PRKN: variants seen among roughly 807,000 people sequenced by gnomAD.
PRKN encodes the protein parkin RBR E3 ubiquitin protein ligase.
PRKN carries 56 observed loss-of-function variants against 59.5 expected under a neutral mutation model. That is an observed-to-expected ratio of 0.94 (90% CI 0.76 to 1.18). The LOEUF (loss-of-function observed/expected upper bound fraction) is 1.18, where lower values mean the gene tolerates loss of function less well. PRKN is among the 50% of genes most tolerant of loss of function. The pLI, the probability that PRKN is intolerant of heterozygous loss-of-function variation, is 0.00. For synonymous variants in PRKN, 250 were observed against 222.1 expected, an observed-to-expected ratio of 1.13 and a Z score of -1.12; for missense variants, 657 against 596.4, an observed-to-expected ratio of 1.10 and a Z score of -1.06.
Position 161,554,380 on chromosome 6 carries a change from AC to A in PRKN, c.934-5378del, listed in dbSNP as rs1331326411. Among the ~76,000 whole-genome samples the A allele has an allele frequency of 1.4e-5, 2 of 147,638 alleles. No homozygotes were observed. The highest frequency in any genetic ancestry group is 3.0e-5 in the Non-Finnish European group (2 of 67,428). The stretch of plus-strand genomic sequence containing the variant: ...TTCGAACTATGCTGTCTTTCTCTTA[AC>A]CTTCATGTTATCTTACTTCTATACA... On this transcript the variant is annotated intron_variant, in intron 8 of 11. Transcript: ENST00000366898. This position sits in a 1 kb window ranked among gnomAD's most constrained non-coding sequence, Gnocchi z 4.5.
intron 4 of PRKN, among the ~76,000 whole-genome samples, chr6:162,195,448 A>T (rs1210988947): frequency 1.3e-5 from 2 of 152,234 alleles, no homozygotes; most frequent in Non-Finnish European, 1.5e-5. Context: ...TGTAACAAAT[A>T]TTAAGCTTAG....
intron 6 of PRKN, among the ~76,000 whole-genome samples, chr6:161,861,987 C>T (rs1793922595): frequency 6.6e-6 from 1 of 152,200 alleles, no homozygotes; most frequent in Non-Finnish European, 1.5e-5. Flanking sequence ...TTCTTTGCCT[C>T]TTTCAGTTTC....
intron 9 of PRKN, among the ~76,000 whole-genome samples, chr6:161,452,198 A>C (rs201472638): frequency 6.6e-6 from 1 of 150,448 alleles, no homozygotes; most frequent in African/African-American, 2.5e-5. Flanking sequence ...AAGTGATCCC[A>C]CCTCGGCCTC....
chr6:162,616,050 C>G (rs1368655357), intron 1 of PRKN, among the ~76,000 whole-genome samples: 1 of 152,164 alleles, frequency 6.6e-6, no homozygotes, highest in East Asian at 1.9e-4. Context: ...AGCTGTCACC[C>G]AGGAACCTCC....
chr6:162,569,195 A>T, intron 1 of PRKN: 2 of 572,008 alleles, frequency 3.5e-6, no homozygotes, highest in South Asian at 3.3e-5. Context: ...AAAGACTGAG[A>T]TCTCCAAGAT....
At chr6:162,238,219 G>C (rs562521910) in intron 3 of PRKN, among the ~76,000 whole-genome samples, 9 of 152,094 alleles carry the variant, frequency 5.9e-5, no homozygotes, top group Admixed American at 6.5e-5. Context: ...TTAATGTTTA[G>C]ATACAAAAAT....
intron 6 of PRKN, among the ~76,000 whole-genome samples, chr6:161,898,766 T>C (rs76172909): frequency 0.027 from 4,106 of 152,288 alleles, 164 homozygotes; most frequent in African/African-American, 0.094. Flanking sequence ...ATAATTTTGG[T>C]GATTCCCCCT....
intron 1 of PRKN, among the ~76,000 whole-genome samples, chr6:162,710,374 A>ACAC (rs1778486499): frequency 3.6e-4 from 45 of 125,302 alleles, no homozygotes; most frequent in South Asian, 1.4e-3. Context: ...ACCCCCTACA[A>ACAC]ACACACACAC....
intron 7 of PRKN, among the ~76,000 whole-genome samples, chr6:161,598,708 T>C (rs1163223613): frequency 1.3e-5 from 2 of 152,228 alleles, no homozygotes; most frequent in African/African-American, 2.4e-5. Flanking sequence ...TATTTAACAA[T>C]ATATGTTACG....
At chr6:161,957,571 T>C (rs1015844203) in intron 6 of PRKN, among the ~76,000 whole-genome samples, 10 of 152,154 alleles carry the variant, frequency 6.6e-5, no homozygotes, top group African/African-American at 1.7e-4. Flanking sequence ...ATTACAAGTG[T>C]GCGCCACCAC....
At chr6:162,582,048 C>T (rs1238516672) in intron 1 of PRKN, among the ~76,000 whole-genome samples, 6 of 152,332 alleles carry the variant, frequency 3.9e-5, no homozygotes, top group East Asian at 1.9e-4. Flanking sequence ...ATGCAGAGTG[C>T]TAACCACTAT....
intron 9 of PRKN, among the ~76,000 whole-genome samples, chr6:161,528,841 G>T (rs970789919): frequency 6.6e-6 from 1 of 152,084 alleles, no homozygotes; most frequent in Non-Finnish European, 1.5e-5. Context: ...AATCTAAGAG[G>T]CTGGATGAAA....
intron 7 of PRKN, among the ~76,000 whole-genome samples, chr6:161,684,187 G>C (rs961682137): frequency 1.3e-5 from 2 of 151,952 alleles, no homozygotes; most frequent in African/African-American, 4.8e-5. Flanking sequence ...TGTCTGCTTG[G>C]AGAAAACATT....
At chr6:161,985,107 A>G (rs1226434816) in intron 5 of PRKN, among the ~76,000 whole-genome samples, 2 of 152,240 alleles carry the variant, frequency 1.3e-5, no homozygotes, top group Non-Finnish European at 2.9e-5. Flanking sequence ...TCTCACCTCA[A>G]CATAATCGCA....
At chr6:162,069,644 A>G (rs753778580) in intron 4 of PRKN, among the ~76,000 whole-genome samples, 2 of 152,202 alleles carry the variant, frequency 1.3e-5, no homozygotes, top group Admixed American at 6.5e-5. Flanking sequence ...AAGGCTCACT[A>G]CGGTTAATTC....
chr6:162,549,662 C>T (rs1330007153), intron 1 of PRKN, among the ~76,000 whole-genome samples: 2 of 136,636 alleles, frequency 1.5e-5, no homozygotes, highest in Admixed American at 7.7e-5. Flanking sequence ...TTTTTTTGAC[C>T]GAGTCTTGCT....
intron 1 of PRKN, among the ~76,000 whole-genome samples, chr6:162,703,481 G>A (rs973103811): frequency 2.0e-5 from 3 of 152,138 alleles, no homozygotes; most frequent in African/African-American, 4.8e-5. Context: ...AACTGAACAC[G>A]GTCTCAGCAG....
At chr6:162,247,315 A>G (rs1166798454) in intron 3 of PRKN, among the ~76,000 whole-genome samples, 1 of 152,196 alleles carries the variant, frequency 6.6e-6, no homozygotes, top group East Asian at 1.9e-4. Flanking sequence ...TTTTTCAAGA[A>G]TGAAAAGAAT....
chr6:161,957,721 C>A lies in PRKN; in HGVS notation c.734+15581G>T, dbSNP rs116302891. Among the ~76,000 whole-genome samples, 1,094 of 152,266 alleles carry A rather than the reference C, an allele frequency of 7.2e-3. 13 individuals are homozygous for A. The highest frequency in any genetic ancestry group is 0.025 in the African/African-American group (1,056 of 41,542). ...TACAGGCGTGAGTCACCGCGCCCAG[C>A]CCATGTCTTCTCTTGATTTTGTTTG... is the stretch of plus-strand genomic sequence containing the variant. On this transcript the variant is annotated intron_variant, in intron 6 of 11. Coordinates refer to ENST00000366898, the MANE Select transcript of PRKN (RefSeq NM_004562.3).
Sources: gnomAD v4.1 joint callset for allele counts (sites outside exome capture counted in the v4.1 genomes callset) on GRCh38, gnomAD v4.1.1 for gene constraint, Gnocchi (gnomAD v3.1) non-coding constraint, MANE v1.5 for transcripts, NCBI Gene and HGNC (gene_info 2026-07-23, HGNC 2026-07-21) for gene names.